The following PALM2AKAP2 variants were observed in gnomAD, a reference collection of about 807,000 sequenced individuals.
PALM2AKAP2 encodes the protein PALM2-AKAP2 fusion protein.
Under a neutral mutation model 71.5 loss-of-function variants are expected in PALM2AKAP2, and 37 were observed. The ratio of observed to expected loss-of-function variants is 0.52; its 90% CI spans 0.40 to 0.68. The LOEUF (loss-of-function observed/expected upper bound fraction) is 0.68, where lower values mean the gene tolerates loss of function less well. Among genes scored for constraint, PALM2AKAP2 ranks in the 30% least tolerant of loss-of-function variants. PALM2AKAP2 has a pLI of 0.00. For synonymous variants in PALM2AKAP2, 468 were observed against 478.8 expected, an observed-to-expected ratio of 0.98 and a Z score of 0.29; for missense variants, 1,224 against 1,191.8, an observed-to-expected ratio of 1.03 and a Z score of -0.40.
chr9:110,165,302 ACAC>A (rs1836708757), intron 3 of PALM2AKAP2, among the ~76,000 whole-genome samples: 1 of 148,082 alleles, frequency 6.8e-6, no homozygotes, highest in Non-Finnish European at 1.5e-5. Flanking sequence ...ACACACACAC[ACAC>A]ACACACACAC....
At chr9:109,844,750 G>T (rs1828803142) in intron 1 of PALM2AKAP2, among the ~76,000 whole-genome samples, 1 of 152,202 alleles carries the variant, frequency 6.6e-6, no homozygotes, top group Non-Finnish European at 1.5e-5. Context: ...CACACCCCCT[G>T]CTGTTCTGTG....
exon 3 of PALM2AKAP2, chr9:110,156,345 C>T: frequency 6.3e-7 from 1 of 1,597,206 alleles, no homozygotes; most frequent in Middle Eastern, 1.7e-4. Context: ...CAAACCTCCT[C>T]CATCCCCCAC....
chr9:109,717,760 G>A (rs185307067), intron 1 of PALM2AKAP2, among the ~76,000 whole-genome samples: 75 of 152,198 alleles, frequency 4.9e-4, no homozygotes, highest in Admixed American at 1.4e-3. Flanking sequence ...CTAAGCCCTC[G>A]ACAGAAAAGC....
At chr9:109,959,062 G>A (rs1206298431) in intron 6 of PALM2AKAP2, among the ~76,000 whole-genome samples, 1 of 152,146 alleles carries the variant, frequency 6.6e-6, no homozygotes, top group Non-Finnish European at 1.5e-5. Context: ...CACCTTGAGG[G>A]AGAATACTGC....
At chr9:109,967,547 C>A (rs1460561868) in intron 6 of PALM2AKAP2, among the ~76,000 whole-genome samples, 5 of 151,984 alleles carry the variant, frequency 3.3e-5, no homozygotes, top group African/African-American at 1.2e-4. Context: ...GTAGCTGTGA[C>A]TACAGGCAGG....
At position 110,025,507 on chromosome 9, in the gene PALM2AKAP2, T is replaced by C. The variant is rs545112291; in HGVS notation, c.582+9468T>C. On this transcript the variant is annotated intron_variant, in intron 7 of 9. Coordinates refer to the PALM2AKAP2 transcript ENST00000302798. The stretch of plus-strand genomic sequence containing the variant: ...AGTTGCTGCTTTGGATAGTCACATG[T>C]AAGCCTTTGTGTGGACGTAGGTCTT... 3.0e-5 allele frequency: 18 copies of C among 598,616 alleles called. No individual in the cohort carries two copies. In the African/African-American group the frequency reaches 3.2e-4, roughly 11 times the overall value. 37.1% of individuals were successfully genotyped at this position (598,616 alleles called of 1,614,324 possible).
At chr9:110,119,341 C>CAAA (rs200861093) in intron 1 of PALM2AKAP2, among the ~76,000 whole-genome samples, 5 of 88,908 alleles carry the variant, frequency 5.6e-5, no homozygotes, top group Non-Finnish European at 7.3e-5. Flanking sequence ...GACTCCATCT[C>CAAA]AAAAAAAAAA....
intron 6 of PALM2AKAP2, among the ~76,000 whole-genome samples, chr9:110,012,833 C>A (rs548657185): frequency 1.3e-5 from 2 of 152,200 alleles, no homozygotes; most frequent in African/African-American, 2.4e-5. Context: ...AGAAAAAATT[C>A]TTTCCAAAGT....
chr9:110,078,182 C>T (rs537901296), intron 1 of PALM2AKAP2, among the ~76,000 whole-genome samples: 5 of 152,240 alleles, frequency 3.3e-5, no homozygotes, highest in East Asian at 1.9e-4. Flanking sequence ...CTAGAACCAG[C>T]GGCGACCAGA....
intron 3 of PALM2AKAP2, among the ~76,000 whole-genome samples, chr9:109,916,694 T>A (rs959416161): frequency 6.6e-6 from 1 of 152,220 alleles, no homozygotes; most frequent in African/African-American, 2.4e-5. Context: ...CTGTATCAGT[T>A]GAGAATTGCA....
intron 1 of PALM2AKAP2, among the ~76,000 whole-genome samples, chr9:109,848,430 G>A (rs188731297): frequency 2.1e-4 from 32 of 152,264 alleles, no homozygotes; most frequent in African/African-American, 6.5e-4. Context: ...CTGTTTTCTT[G>A]TGTCCCCTGT....
At chr9:109,835,616 A>G (rs1402978751) in intron 1 of PALM2AKAP2, among the ~76,000 whole-genome samples, 3 of 152,140 alleles carry the variant, frequency 2.0e-5, no homozygotes, top group African/African-American at 7.2e-5. Context: ...GGGTCAGGGA[A>G]TTCCCTTTCC....
chr9:109,942,267 T>C (rs1192231763), intron 6 of PALM2AKAP2, among the ~76,000 whole-genome samples: 2 of 151,782 alleles, frequency 1.3e-5, no homozygotes, highest in African/African-American at 4.8e-5. Flanking sequence ...ATGAAAGAGG[T>C]TTTTTCATTT....
At chr9:109,689,823 T>C (rs1827856145) in intron 1 of PALM2AKAP2, among the ~76,000 whole-genome samples, 1 of 152,180 alleles carries the variant, frequency 6.6e-6, no homozygotes. Flanking sequence ...CTTCACGTTC[T>C]CTATGATCTG....
At chr9:109,686,594 A>G (rs1827807913) in intron 1 of PALM2AKAP2, among the ~76,000 whole-genome samples, 1 of 152,132 alleles carries the variant, frequency 6.6e-6, no homozygotes, top group Non-Finnish European at 1.5e-5. Flanking sequence ...ATGTGCTGCC[A>G]TCCAGGCTTT....
intron 1 of PALM2AKAP2, among the ~76,000 whole-genome samples, chr9:110,089,762 G>A (rs1834662987): frequency 6.6e-6 from 1 of 152,136 alleles, no homozygotes; most frequent in Non-Finnish European, 1.5e-5. Context: ...AGGTGCCTTT[G>A]TTTGAACCAA....
exon 2 of PALM2AKAP2, chr9:110,138,349 G>A (rs1240873239): frequency 6.2e-6 from 10 of 1,614,236 alleles, no homozygotes; most frequent in Non-Finnish European, 7.6e-6. Flanking sequence ...AATCTGACGT[G>A]ATGGTTGGGC....
At chr9:109,720,091 T>C (rs894230400) in intron 1 of PALM2AKAP2, among the ~76,000 whole-genome samples, 1 of 151,814 alleles carries the variant, frequency 6.6e-6, no homozygotes, top group Admixed American at 6.6e-5. Context: ...TGGGTTCAAG[T>C]GATTCTCCTG....
chr9:109,784,050 G>T (rs994076001), intron 1 of PALM2AKAP2, among the ~76,000 whole-genome samples: 3 of 152,194 alleles, frequency 2.0e-5, no homozygotes, highest in Non-Finnish European at 4.4e-5. Flanking sequence ...CTTTGACAAT[G>T]ATCTCTACAC....
Sources: gnomAD v4.1 joint callset for allele counts (sites outside exome capture counted in the v4.1 genomes callset) on GRCh38, gnomAD v4.1.1 for gene constraint, MANE v1.5 for transcripts, NCBI Gene and HGNC (gene_info 2026-07-23, HGNC 2026-07-21) for gene names.